CCDC197: variants seen among roughly 807,000 people sequenced by gnomAD.
CCDC197 encodes the protein coiled-coil domain containing 197, also known as uncharacterized protein CCDC197.
Under a neutral mutation model 13.4 loss-of-function variants are expected in CCDC197, and 24 were observed. The ratio of observed to expected loss-of-function variants is 1.80; its 90% confidence interval spans 1.30 to 2.53. The LOEUF is 2.53. Ranked by LOEUF, CCDC197 falls within the 30% of genes most tolerant of loss-of-function variation. The pLI, the probability that CCDC197 is intolerant of heterozygous loss-of-function variation, is 0.00. For missense variants in CCDC197, 255 were observed against 148.8 expected, an observed-to-expected ratio of 1.71 and a Z score of -3.71; for synonymous variants, 99 against 55.5, an observed-to-expected ratio of 1.78 and a Z score of -3.48.
rs1172678516 is a variant in CCDC197, at chr14:94,001,155, A to T, written c.198A>T (p.Gly66=). Residue 66 remains glycine (G), a synonymous_variant, in exon 4 of 7, where the codon GGA becomes GGT. Transcript: ENST00000636493. The stretch of plus-strand genomic sequence containing the variant: ...GCGCTGTCTCCGTAGGCTGCACGGG[A>T]TGGGAGGAGCCGGAGGAGGTGCTGG... ...VLEKIPEGCT[G]WEEPEEVLVE... 1 of 779,002 alleles carries T rather than the reference A, an allele frequency of 1.3e-6. No homozygotes were observed. Among genetic ancestry groups the T allele is most frequent in the African/African-American group, 1.7e-5 (1 of 59,102 alleles). 48.3% of individuals were successfully genotyped at this position (779,002 alleles called of 1,614,324 possible). A position where few individuals can be genotyped will look rare whatever the true frequency, so the allele number is the denominator to read the frequency against.
At position 94,003,047 on chromosome 14, in the gene CCDC197, C is replaced by T. The variant is rs1313216454; in HGVS notation, c.367-176C>T. ...TATCAGGAACTGGGGCTCAGGTAAA[C>T]TCCATCAGCCTGGACACGCCCTTTT... On this transcript the variant is annotated intron_variant, in intron 4 of 6. Transcript: ENST00000636493. The surrounding 1 kb of genome is among the most constrained non-coding windows in gnomAD (Gnocchi z 5.0). 6.6e-6 allele frequency among the ~76,000 whole-genome samples: 1 copy of T among 152,018 alleles called. No individual in the cohort carries two copies. Among genetic ancestry groups the T allele is most frequent in the South Asian group, 2.1e-4 (1 of 4,812 alleles).
In CCDC197 at chr14:94,001,235, A is replaced by C. The variant is rs1398628409; in HGVS notation, c.278A>C (p.Gln93Pro). Residue 93 changes from glutamine (Q) to proline (P), a missense_variant, in exon 4 of 7, where the codon CAG becomes CCG. Coordinates refer to ENST00000636493, the MANE Select transcript of CCDC197 (RefSeq NM_001351596.2). ...CTCTTCACAGCCAGCCAGGACACGCAGAAGCGCCTCGAGGCCTTCTGCCAG... is the reference window on the plus strand; with the variant it reads ...CTCTTCACAGCCAGCCAGGACACGCCGAAGCGCCTCGAGGCCTTCTGCCAG... Reference protein sequence around the residue: ...GKLFTASQDTQKRLEAFCQMI... With the variant: ...GKLFTASQDTPKRLEAFCQMI... 1.3e-6 allele frequency: 1 copy of C among 780,864 alleles called. No homozygotes were observed. Among genetic ancestry groups the C allele is most frequent in the Non-Finnish European group, 2.4e-6 (1 of 418,084 alleles). 48.4% of individuals were successfully genotyped at this position (780,864 alleles called of 1,614,324 possible).
intron 4 of CCDC197, among the ~76,000 whole-genome samples, chr14:94,002,189 A>G (rs1890536516): frequency 6.6e-6 from 1 of 152,072 alleles, no homozygotes; most frequent in Non-Finnish European, 1.5e-5. Context: ...AGCCTCAGAG[A>G]AGCGGGGCCA....
Position 94,001,260 on chromosome 14 carries a change from G to C in CCDC197, c.303G>C (p.Gln101His), listed in dbSNP as rs754289016. The change falls in exon 4 of 7, where the codon CAG becomes CAC. Residue 101 changes from glutamine to histidine, a missense_variant. By Grantham distance (24) the Gln-to-His change is conservative. Transcript: ENST00000636493. Reference protein sequence around the residue: ...DTQKRLEAFCQMIQAVHRSLE... With the variant: ...DTQKRLEAFCHMIQAVHRSLE... Reference sequence around the variant, plus strand: ...AGAAGCGCCTCGAGGCCTTCTGCCAGATGATCCAGGCTGTCCACCGGAGCC... The same window carrying C: ...AGAAGCGCCTCGAGGCCTTCTGCCACATGATCCAGGCTGTCCACCGGAGCC... 7.7e-6 allele frequency: 6 copies of C among 780,880 alleles called. No individual in the cohort carries two copies. The highest frequency in any genetic ancestry group is 1.7e-5 in the African/African-American group (1 of 59,270). The allele number at this position is 780,880 out of a possible 1,614,324, so 48.4% of individuals were successfully genotyped here. A position where few individuals can be genotyped will look rare whatever the true frequency, so the allele number is the denominator to read the frequency against.
At chr14:94,001,432 A>G in intron 4 of CCDC197, 109 bp downstream of exon 4, 1 of 560,990 alleles carries the variant, frequency 1.8e-6, no homozygotes, top group East Asian at 3.1e-5. Flanking sequence ...GCAGCGGCGT[A>G]ATGCTGGGGG....
chr14:94,006,064 C>T (rs969506321), intron 6 of CCDC197, among the ~76,000 whole-genome samples: 4 of 152,182 alleles, frequency 2.6e-5, no homozygotes, highest in African/African-American at 7.2e-5. Context: ...GTTTAACATT[C>T]GAAGAACTGC....
Position 94,004,955 on chromosome 14 carries a change from A to T in CCDC197, c.599A>T (p.Lys200Met). Residue 200 changes from lysine to methionine, a missense_variant, in exon 6 of 7, where the codon AAG becomes ATG. Coordinates refer to ENST00000636493, the MANE Select transcript of CCDC197 (RefSeq NM_001351596.2). ...GVPKSMDLFS[K>M]LDLIKEFMLD... ...CCCAAGAGCATGGATCTCTTCTCCA[A>T]GCTCGATCTGATTAAGGTAAGGATA... 1 of 702,840 alleles carries T rather than the reference A, an allele frequency of 1.4e-6. No individual in the cohort carries two copies. The highest frequency in any genetic ancestry group is 2.6e-6 in the Non-Finnish European group (1 of 384,910). The allele number at this position is 702,840 out of a possible 1,614,324, so 43.5% of individuals were successfully genotyped here. A position where few individuals can be genotyped will look rare whatever the true frequency, so the allele number is the denominator to read the frequency against.
At chr14:93,996,700 G>A (rs930816906), upstream of CCDC197, among the ~76,000 whole-genome samples, 23 of 151,896 alleles carry the variant, frequency 1.5e-4, no homozygotes, top group Non-Finnish European at 2.2e-4. Flanking sequence ...TGAGCCAATG[G>A]AAGCCTTTGA....
At chr14:93,997,278 G>C (rs907013539), upstream of CCDC197, 1 of 152,248 alleles carries the variant, frequency 6.6e-6, no homozygotes, top group African/African-American at 2.4e-5. Context: ...GTGGCTTTGT[G>C]CTCCTGGAGC....
chr14:93,989,870 C>T (rs1173749625), intron 1 of CCDC197, among the ~76,000 whole-genome samples: 1 of 152,152 alleles, frequency 6.6e-6, no homozygotes, highest in Non-Finnish European at 1.5e-5. Context: ...CAAACTTACT[C>T]AGGTGGTTGG....
chr14:93,987,943 G>A (rs1429156548), intron 1 of CCDC197, among the ~76,000 whole-genome samples: 1 of 134,984 alleles, frequency 7.4e-6, no homozygotes, highest in Non-Finnish European at 1.6e-5. Context: ...AGGGAGGTGG[G>A]AAGGAGGGAG....
downstream of CCDC197, among the ~76,000 whole-genome samples, chr14:94,009,952 C>T (rs1461789304): frequency 6.6e-6 from 1 of 152,218 alleles, no homozygotes; most frequent in Non-Finnish European, 1.5e-5. Context: ...AAGTTAAGAG[C>T]AGCTGCTGAG....
chr14:94,002,818 A>C (rs1352108639), intron 4 of CCDC197, among the ~76,000 whole-genome samples: 2 of 146,866 alleles, frequency 1.4e-5, no homozygotes, highest in Non-Finnish European at 3.0e-5. Flanking sequence ...GTTCCGCTGC[A>C]CTCCAGCCTG....
chr14:93,988,273 G>C, intron 1 of CCDC197, among the ~76,000 whole-genome samples: 1 of 101,968 alleles, frequency 9.8e-6, no homozygotes, highest in African/African-American at 4.0e-5. Flanking sequence ...GGGGATGGGA[G>C]GAAAGGATGG....
intron 4 of CCDC197, among the ~76,000 whole-genome samples, chr14:94,002,365 T>C (rs559311962): frequency 6.6e-6 from 1 of 152,182 alleles, no homozygotes; most frequent in East Asian, 1.9e-4. Flanking sequence ...CTCGGCTTAC[T>C]GCAGCCTCCG....
At chr14:93,987,770 G>A (rs1256659903) in intron 1 of CCDC197, among the ~76,000 whole-genome samples, 1 of 152,080 alleles carries the variant, frequency 6.6e-6, no homozygotes, top group African/African-American at 2.4e-5. Context: ...CCGTGACAGG[G>A]GCTGCAGGAG....
chr14:94,001,419 G>A (rs1302240122), intron 4 of CCDC197, 96 bp downstream of exon 4: 1 of 582,806 alleles, frequency 1.7e-6, no homozygotes, highest in African/African-American at 1.9e-5. Context: ...AGGCCTAGAG[G>A]GAGCAGCGGC....
At chr14:93,996,882 C>G (rs533933043), upstream of CCDC197, among the ~76,000 whole-genome samples, 100 of 152,186 alleles carry the variant, frequency 6.6e-4, no homozygotes, top group Non-Finnish European at 1.2e-3. Context: ...AGACATGGGT[C>G]CTTCAGCTTG....
chr14:94,006,213 C>T (rs952655808), intron 6 of CCDC197, among the ~76,000 whole-genome samples: 1 of 152,170 alleles, frequency 6.6e-6, no homozygotes, highest in Non-Finnish European at 1.5e-5. Flanking sequence ...TGTGAAGTGG[C>T]ATCTCATTGT....
Sources: allele counts gnomAD v4.1 joint callset (sites outside exome capture counted in the v4.1 genomes callset), GRCh38; gene constraint gnomAD v4.1.1; non-coding constraint Gnocchi (gnomAD v3.1); transcripts MANE v1.5; gene names NCBI Gene and HGNC (gene_info 2026-07-23, HGNC 2026-07-21).